RPAP2: variants seen among roughly 807,000 people sequenced by gnomAD.
RPAP2 encodes putative RNA polymerase II subunit B1 CTD phosphatase RPAP2.
In RPAP2, 52 loss-of-function variants were observed where a neutral mutation model predicts 73.1. The ratio of observed to expected loss-of-function variants is 0.71; its 90% CI spans 0.57 to 0.90. RPAP2 has a LOEUF of 0.90. Ranked by LOEUF, RPAP2 falls within the 40% of genes least tolerant of loss-of-function variation. The pLI, the probability that RPAP2 is intolerant of heterozygous loss-of-function variation, is 0.00. For missense variants in RPAP2, 598 were observed against 701.8 expected (o/e 0.85, Z 1.67); for synonymous variants, 225 against 242.1 (o/e 0.93, Z 0.65).
intron 11 of RPAP2, among the ~76,000 whole-genome samples, chr1:92,357,966 G>A (rs1315129127): frequency 6.6e-6 from 1 of 152,168 alleles, no homozygotes; most frequent in Admixed American, 6.5e-5. Context: ...TCGCCCTGTT[G>A]CCTAGGCTGC....
chr1:92,308,665 A>C (rs1001902977), intron 6 of RPAP2, among the ~76,000 whole-genome samples: 1 of 152,186 alleles, frequency 6.6e-6, no homozygotes, highest in African/African-American at 2.4e-5. Flanking sequence ...AGCTAATTTA[A>C]AACAAATCTT....
Position 92,311,693 on chromosome 1 carries a change from T to C in RPAP2, c.488+4417T>C, listed in dbSNP as rs375962604. 5.9e-5 allele frequency among the ~76,000 whole-genome samples: 9 copies of C among 152,336 alleles called. No homozygotes were observed. The East Asian group carries it at 1.5e-3, about 26-fold the overall frequency. On this transcript the variant is annotated intron_variant, in intron 6 of 12. Coordinates refer to ENST00000610020, the MANE Select transcript of RPAP2 (RefSeq NM_024813.3). ...TAAGTACAGGCATATCTTGGAGATATTGCAGGTTTGGTTCCAGACCACCAC... is the reference window on the plus strand; with the variant it reads ...TAAGTACAGGCATATCTTGGAGATACTGCAGGTTTGGTTCCAGACCACCAC...
At chr1:92,347,651 A>G (rs1241715736) in intron 11 of RPAP2, among the ~76,000 whole-genome samples, 1 of 152,228 alleles carries the variant, frequency 6.6e-6, no homozygotes, top group East Asian at 1.9e-4. Flanking sequence ...GGCTACCATT[A>G]AAATTTCATA....
In RPAP2 at chr1:92,345,925, T is replaced by G. The variant is rs777985122; in HGVS notation, c.1688+11T>G. 4 of 1,569,320 alleles carry G rather than the reference T, an allele frequency of 2.5e-6. No individual in the cohort carries two copies. Among genetic ancestry groups the G allele is most frequent in the Non-Finnish European group, 3.5e-6 (4 of 1,142,056 alleles). The stretch of plus-strand genomic sequence containing the variant: ...GGTGTTGCTGTCATTGTAAGTACTC[T>G]CTCAGATTTTAACTCTAAATACTAA... On this transcript the variant is annotated intron_variant, in intron 11 of 12. Transcript: ENST00000610020.
At chr1:92,346,942 G>C (rs1653933286) in intron 11 of RPAP2, among the ~76,000 whole-genome samples, 2 of 152,096 alleles carry the variant, frequency 1.3e-5, no homozygotes, top group Admixed American at 6.5e-5. Flanking sequence ...ACACTCACAG[G>C]TCAAAAAGTG....
intron 7 of RPAP2, among the ~76,000 whole-genome samples, chr1:92,322,667 G>T (rs1362745000): frequency 6.6e-6 from 1 of 151,910 alleles, no homozygotes; most frequent in Non-Finnish European, 1.5e-5. Flanking sequence ...TTGAGGCCAA[G>T]AATTTGTGAC....
chr1:92,398,915 T>G lies in RPAP2; in HGVS notation c.*11904T>G, dbSNP rs1246706622. On this transcript the variant is annotated 3_prime_UTR_variant, in exon 13 of 13. Transcript: ENST00000610020. ...TCATGTGTCCTTTTCCAAATTAAACTAGCAAAATATGAACTTTTGTAAAAG... is the reference window on the plus strand; with the variant it reads ...TCATGTGTCCTTTTCCAAATTAAACGAGCAAAATATGAACTTTTGTAAAAG... 6.6e-6 allele frequency: 1 copy of G among 152,242 alleles called. No individual in the cohort carries two copies. Among genetic ancestry groups the G allele is most frequent in the African/African-American group, 2.4e-5 (1 of 41,470 alleles). 9.4% of individuals were successfully genotyped at this position (152,242 alleles called of 1,614,324 possible). A position where few individuals can be genotyped will look rare whatever the true frequency, so the allele number is the denominator to read the frequency against.
In RPAP2 at chr1:92,323,942, T is replaced by A. The variant is rs1571059259; in HGVS notation, c.1022T>A (p.Phe341Tyr). 2 of 1,614,170 alleles carry A rather than the reference T, an allele frequency of 1.2e-6. No homozygotes were observed. Among genetic ancestry groups the A allele is most frequent in the East Asian group, 4.5e-5 (2 of 44,880 alleles). ...AGTGCAGAGCATTTTAAGAGAAAAT[T>A]TGCCAAATCAAACCAAGTGTCTAGG... is the stretch of plus-strand genomic sequence containing the variant. The part of the protein sequence containing the change: ...KKSAEHFKRK[F>Y]AKSNQVSRSV... The change falls in exon 8 of 13, where the codon TTT (phenylalanine) becomes TAT (tyrosine). Residue 341 changes from phenylalanine to tyrosine, a missense_variant. Coordinates refer to ENST00000610020, the MANE Select transcript of RPAP2 (RefSeq NM_024813.3).
At position 92,392,637 on chromosome 1, in the gene RPAP2, C is replaced by T. The variant is rs1384815840; in HGVS notation, c.*5626C>T. ...ACATGATTGTATATTTAGAAAACCCCATCGTCTCATCCCAAAATCTCCTTA... is the reference window on the plus strand; with the variant it reads ...ACATGATTGTATATTTAGAAAACCCTATCGTCTCATCCCAAAATCTCCTTA... On this transcript the variant is annotated 3_prime_UTR_variant, in exon 13 of 13. Transcript: ENST00000610020. The T allele has an allele frequency of 1.3e-5, 2 of 152,196 alleles. No homozygotes were observed. The highest frequency in any genetic ancestry group is 1.5e-5 in the Non-Finnish European group (1 of 68,032). 9.4% of individuals were successfully genotyped at this position (152,196 alleles called of 1,614,324 possible).
rs1382714467 is a variant in RPAP2, at chr1:92,304,350, G to T, written c.399+1G>T. 1 of 1,504,376 alleles carries T rather than the reference G, an allele frequency of 6.6e-7. No individual in the cohort carries two copies. The highest frequency in any genetic ancestry group is 9.1e-7 in the Non-Finnish European group (1 of 1,095,130). The allele number at this position is 1,504,376 out of a possible 1,614,324, so 93.2% of individuals were successfully genotyped here. On this transcript the variant is annotated splice_donor_variant, in intron 5 of 12. Transcript: ENST00000610020. LOFTEE classifies it high-confidence loss of function. ...AGTCTATGATATTACTGAAAGAAAG[G>T]TGAGTTTAAAGGCTTTCATTGTGGC...
chr1:92,323,180 A>T (rs1336967047), intron 7 of RPAP2, among the ~76,000 whole-genome samples: 4 of 150,244 alleles, frequency 2.7e-5, no homozygotes, highest in South Asian at 4.2e-4. Flanking sequence ...TAACAATTTT[A>T]AAATAATTGG....
chr1:92,329,551 C>T (rs1652838412), intron 8 of RPAP2, among the ~76,000 whole-genome samples: 2 of 152,200 alleles, frequency 1.3e-5, no homozygotes, highest in Non-Finnish European at 2.9e-5. Context: ...AGCTGACTCA[C>T]AGTTCCTTGC....
chr1:92,360,942 C>T (rs1447890020), intron 11 of RPAP2, among the ~76,000 whole-genome samples: 2 of 151,940 alleles, frequency 1.3e-5, no homozygotes, highest in Non-Finnish European at 2.9e-5. Context: ...AGTTGTACAG[C>T]CACTATGTTT....
Position 92,399,440 on chromosome 1 carries a change from TA to T in RPAP2, c.*12433del, listed in dbSNP as rs1423785951. 1 of 149,942 alleles carries T rather than the reference TA, an allele frequency of 6.7e-6. No individual in the cohort carries two copies. The highest frequency in any genetic ancestry group is 1.5e-5 in the Non-Finnish European group (1 of 67,574). 9.3% of individuals were successfully genotyped at this position (149,942 alleles called of 1,614,324 possible). ...GGACTTGTGACAAAAATAAGAGCAA[TA>T]AAATGAAGTTTTAACAGTGAAAACT... On this transcript the variant is annotated 3_prime_UTR_variant, in exon 13 of 13. Coordinates refer to ENST00000610020, the MANE Select transcript of RPAP2 (RefSeq NM_024813.3).
intron 6 of RPAP2, among the ~76,000 whole-genome samples, chr1:92,313,543 A>G (rs1651721402): frequency 6.6e-6 from 1 of 150,986 alleles, no homozygotes; most frequent in South Asian, 2.1e-4. Flanking sequence ...TTGCTGTTCC[A>G]TTTATGGAAC....
intron 6 of RPAP2, 51 bp downstream of exon 6, chr1:92,307,327 G>A (rs1431360364): frequency 7.7e-7 from 1 of 1,291,718 alleles, no homozygotes. Flanking sequence ...CTAATAATTT[G>A]TTTCTGCTTT....
chr1:92,321,242 A>G (rs1194911676), intron 7 of RPAP2, among the ~76,000 whole-genome samples: 1 of 152,206 alleles, frequency 6.6e-6, no homozygotes, highest in Admixed American at 6.5e-5. Flanking sequence ...AGAGTAGTAT[A>G]AAAACATAAT....
intron 11 of RPAP2, among the ~76,000 whole-genome samples, chr1:92,375,080 C>G (rs1375615422): frequency 6.6e-6 from 1 of 151,988 alleles, no homozygotes; most frequent in Non-Finnish European, 1.5e-5. Context: ...ATATATAGAC[C>G]TTATTCAATT....
chr1:92,299,102 C>T lies in RPAP2; in HGVS notation c.29C>T (p.Ala10Val), dbSNP rs1304659601. Residue 10 changes from alanine to valine, a missense_variant, in exon 1 of 13, where the codon GCC (alanine) becomes GTC (valine). Ala to Val is a moderately conservative substitution (Grantham distance 64). Transcript: ENST00000610020. ...GCGGACTTCGCTGGGCCGTCTTCTG[C>T]CGGCCGCAAGGCCGGGGCTCCCCGC... The part of the protein sequence containing the change: MADFAGPSS[A>V]GRKAGAPRCS... The T allele has an allele frequency of 2.6e-6, 4 of 1,520,644 alleles. No homozygotes were observed. In the East Asian group the frequency reaches 1.0e-4, roughly 39 times the overall value. 94.2% of individuals were successfully genotyped at this position (1,520,644 alleles called of 1,614,324 possible).
Sources: gnomAD v4.1 joint callset for allele counts (sites outside exome capture counted in the v4.1 genomes callset) on GRCh38, gnomAD v4.1.1 for gene constraint, MANE v1.5 for transcripts, NCBI Gene and HGNC (gene_info 2026-07-23, HGNC 2026-07-21) for gene names.